Variants in SCN1A observed in about 807,000 individuals in gnomAD.
SCN1A encodes the protein sodium channel protein type 1 subunit alpha.
In SCN1A, 13 loss-of-function variants were observed where a neutral mutation model predicts 193.7. That is an observed-to-expected ratio of 0.07 (90% CI 0.04 to 0.11). The LOEUF (loss-of-function observed/expected upper bound fraction) is 0.11, where lower values mean the gene tolerates loss of function less well. SCN1A is among the 10% of genes least tolerant of loss of function. The pLI is 1.00. For missense variants in SCN1A, 1,432 were observed against 2,451.1 expected (o/e 0.58, Z 8.78); for synonymous variants, 781 against 843.6 (o/e 0.93, Z 1.29).
chr2:166,021,596 G>A (rs1265669690), intron 19 of SCN1A, among the ~76,000 whole-genome samples: 1 of 152,034 alleles, frequency 6.6e-6, no homozygotes, highest in African/African-American at 2.4e-5. Context: ...ATGATAGTAA[G>A]TTTATAAAAA....
chr2:166,008,092 C>T (rs540049853), intron 23 of SCN1A, among the ~76,000 whole-genome samples: 1 of 151,162 alleles, frequency 6.6e-6, no homozygotes, highest in Admixed American at 6.6e-5. Flanking sequence ...ATATCACTAT[C>T]AGCATTTATA....
chr2:166,111,185 G>A (rs1415581026), intron 2 of SCN1A, among the ~76,000 whole-genome samples: 1 of 152,122 alleles, frequency 6.6e-6, no homozygotes, highest in Non-Finnish European at 1.5e-5. Context: ...TAGCTAGAGA[G>A]GAGAAGTCAA....
At chr2:165,995,520 G>T (rs958897573) in intron 27 of SCN1A, among the ~76,000 whole-genome samples, 1 of 151,758 alleles carries the variant, frequency 6.6e-6, no homozygotes, top group African/African-American at 2.4e-5. Context: ...ATGAATAGTA[G>T]ATACTGGAAT....
At chr2:166,145,213 GC>G (rs1692270869) in intron 1 of SCN1A, among the ~76,000 whole-genome samples, 1 of 118,136 alleles carries the variant, frequency 8.5e-6, no homozygotes, top group South Asian at 3.0e-4. Flanking sequence ...AGGCTGGAGT[GC>G]AGTGGTGCGA....
chr2:166,071,175 A>G (rs7593000), intron 4 of SCN1A, among the ~76,000 whole-genome samples: 11,708 of 152,240 alleles, frequency 0.077, 1,225 homozygotes, highest in African/African-American at 0.24. Flanking sequence ...ATTTTAAACG[A>G]ATTAAAATGT....
chr2:166,029,928 G>A (rs909663093), intron 19 of SCN1A, among the ~76,000 whole-genome samples: 1 of 152,130 alleles, frequency 6.6e-6, no homozygotes, highest in Non-Finnish European at 1.5e-5. Context: ...GGATGCAGAA[G>A]CAGATCAGCC....
chr2:165,998,277 A>T, intron 25 of SCN1A, 102 bp from the exon 26 acceptor site: 2 of 989,862 alleles, frequency 2.0e-6, no homozygotes, highest in Non-Finnish European at 3.0e-6. Flanking sequence ...TCTTACTAAT[A>T]TGTCAGCATT....
At chr2:166,096,673 T>G (rs1239512656) in intron 2 of SCN1A, among the ~76,000 whole-genome samples, 1 of 152,248 alleles carries the variant, frequency 6.6e-6, no homozygotes, top group East Asian at 1.9e-4. Context: ...ATTTTTTTCT[T>G]GATCAACATG....
At chr2:166,138,613 C>G (rs1245423719) in intron 1 of SCN1A, among the ~76,000 whole-genome samples, 1 of 152,204 alleles carries the variant, frequency 6.6e-6, no homozygotes, top group Admixed American at 6.5e-5. Flanking sequence ...TATGGAAACG[C>G]CTGGATGCCC....
intron 4 of SCN1A, among the ~76,000 whole-genome samples, chr2:166,066,769 A>C (rs1683886779): frequency 6.6e-6 from 1 of 152,176 alleles, no homozygotes; most frequent in Non-Finnish European, 1.5e-5. Flanking sequence ...ATCAAGTATA[A>C]AACTCCTAAA....
Position 166,093,400 on chromosome 2 carries a change from G to A in SCN1A, c.-141-15599C>T, listed in dbSNP as rs1356960613. On this transcript the variant is annotated intron_variant, in intron 2 of 28. Coordinates refer to ENST00000674923, the MANE Select transcript of SCN1A (RefSeq NM_001165963.4). ...GTCGCCCAGGCTGGAGTGCAGTGGC[G>A]TGATCTGGGCTCACTGCAAGCTCCA... 2.6e-5 allele frequency among the ~76,000 whole-genome samples: 4 copies of A among 151,568 alleles called. 1 individual carries two copies. In the South Asian group the frequency reaches 6.2e-4, roughly 24 times the overall value.
intron 4 of SCN1A, among the ~76,000 whole-genome samples, chr2:166,070,546 C>T (rs1476088042): frequency 6.6e-6 from 1 of 152,150 alleles, no homozygotes; most frequent in Non-Finnish European, 1.5e-5. Context: ...AGGGTTTCCT[C>T]GACACAAGAA....
chr2:165,997,833 T>C (rs1252303472), intron 26 of SCN1A, among the ~76,000 whole-genome samples: 1 of 151,252 alleles, frequency 6.6e-6, no homozygotes, highest in South Asian at 2.1e-4. Flanking sequence ...TATGAACCTA[T>C]GAACAAGAGT....
chr2:166,052,613 A>AG (rs1412990888), intron 8 of SCN1A, among the ~76,000 whole-genome samples: 1 of 14,816 alleles, frequency 6.7e-5, no homozygotes, highest in Admixed American at 1.1e-3. Context: ...TAACATGGTG[A>AG]AAAAAAAAAA....
intron 2 of SCN1A, among the ~76,000 whole-genome samples, chr2:166,107,047 T>G (rs887980718): frequency 3.9e-5 from 6 of 152,188 alleles, no homozygotes; most frequent in Non-Finnish European, 5.9e-5. Flanking sequence ...ATACATTTTA[T>G]TTATATTCAT....
At chr2:166,026,665 CTCTT>C (rs1395857059) in intron 19 of SCN1A, among the ~76,000 whole-genome samples, 1,796 of 142,206 alleles carry the variant, frequency 0.013, 46 homozygotes, top group African/African-American at 0.043. Flanking sequence ...TGGAATATTT[CTCTT>C]TCTTTCTTTC....
At position 166,046,003 on chromosome 2, in the gene SCN1A, T is replaced by C. The variant is rs537162410; in HGVS notation, c.1378-676A>G. On this transcript the variant is annotated intron_variant, in intron 12 of 28. Transcript: ENST00000674923. ...GGAATAAAACAATGCTTTTTGATTA[T>C]AGCTTGTACTGGTACTAAGTTGACA... Among the ~76,000 whole-genome samples, 6 of 152,330 alleles carry C rather than the reference T, an allele frequency of 3.9e-5. No homozygotes were observed. In the South Asian group the frequency reaches 1.0e-3, roughly 26 times the overall value.
intron 19 of SCN1A, among the ~76,000 whole-genome samples, chr2:166,019,973 C>CGATCTCG (rs1559160692): frequency 6.7e-6 from 1 of 150,050 alleles, no homozygotes; most frequent in Non-Finnish European, 1.5e-5. Flanking sequence ...TGCAGTGGCG[C>CGATCTCG]GATCTCGGCT....
chr2:166,015,696 C>A lies in SCN1A; in HGVS notation c.3461G>T (p.Gly1154Val). The A allele has an allele frequency of 6.2e-7, 1 of 1,612,794 alleles. No individual in the cohort carries two copies. Among genetic ancestry groups the A allele is most frequent in the South Asian group, 1.1e-5 (1 of 91,068 alleles). Residue 1154 changes from glycine (G) to valine (V), a missense_variant, in exon 20 of 29, where the codon GGT becomes GTT. This residue lies in a region of SCN1A where 198 missense variants were observed against 225.8 expected (regional missense o/e 0.88). Coordinates refer to ENST00000674923, the MANE Select transcript of SCN1A (RefSeq NM_001165963.4). ...KLNESSSSSE[G>V]STVDIGAPVE... ...AGGTGCGCCGATGTCCACAGTGCTA[C>A]CTTCTGATGAGCTACTGCTTTCATT... is the stretch of plus-strand genomic sequence containing the variant.
Sources: allele counts gnomAD v4.1 joint callset (sites outside exome capture counted in the v4.1 genomes callset), GRCh38; gene constraint gnomAD v4.1.1; regional missense constraint gnomAD v4.1.1; transcripts MANE v1.5; gene names NCBI Gene and HGNC (gene_info 2026-07-23, HGNC 2026-07-21).